The following DPYD variants were observed in gnomAD, a reference collection of about 807,000 sequenced individuals.
DPYD encodes the protein dihydropyrimidine dehydrogenase [NADP(+)].
DPYD carries 109 observed loss-of-function variants against 116.2 expected under a neutral mutation model. The observed-to-expected ratio is 0.94, with a 90% CI of 0.80 to 1.10. The LOEUF (loss-of-function observed/expected upper bound fraction) is 1.10, where lower values mean the gene tolerates loss of function less well. DPYD is among the 50% of genes least tolerant of loss of function. The probability of loss-of-function intolerance (pLI) is 0.00; values close to 1 mark genes in which losing one functional copy is unlikely to be tolerated. For synonymous variants in DPYD, 440 were observed against 432.0 expected (o/e 1.02, Z -0.23); for missense variants, 1,302 against 1,254.5 (o/e 1.04, Z -0.57).
At chr1:97,844,812 C>A (rs989587628) in intron 2 of DPYD, among the ~76,000 whole-genome samples, 1 of 152,188 alleles carries the variant, frequency 6.6e-6, no homozygotes, top group Non-Finnish European at 1.5e-5. Context: ...GCCTGGGAAA[C>A]CCCCCACTGC....
chr1:97,910,585 G>T (rs1213345692), intron 1 of DPYD, among the ~76,000 whole-genome samples: 1 of 152,076 alleles, frequency 6.6e-6, no homozygotes, highest in East Asian at 1.9e-4. Context: ...AAATGTTTAA[G>T]TTATTTGCCA....
intron 4 of DPYD, among the ~76,000 whole-genome samples, chr1:97,738,855 T>C (rs766735072): frequency 7.9e-5 from 12 of 152,210 alleles, no homozygotes; most frequent in Non-Finnish European, 1.5e-4. Context: ...TTTCCAAAAA[T>C]AGAGATGACT....
intron 16 of DPYD, among the ~76,000 whole-genome samples, chr1:97,344,407 T>A (rs1669733630): frequency 6.6e-6 from 1 of 151,926 alleles, no homozygotes; most frequent in Admixed American, 6.6e-5. Flanking sequence ...TATAGACAAT[T>A]GTACAAAGAA....
chr1:97,831,370 A>G (rs1220135003), intron 2 of DPYD, among the ~76,000 whole-genome samples: 2 of 152,182 alleles, frequency 1.3e-5, no homozygotes, highest in African/African-American at 4.8e-5. Context: ...CTCTAACATT[A>G]AAGACAACTG....
rs116372849 is a variant in DPYD, at chr1:97,639,380, C to T, written c.850+39715G>A. Among the ~76,000 whole-genome samples the T allele has an allele frequency of 7.1e-3, 1,084 of 151,774 alleles. 8 individuals are homozygous for T. Among genetic ancestry groups the T allele is most frequent in the Non-Finnish European group, 0.012 (808 of 67,898 alleles). ...TATTCTATTACCTTTTGTTTTCTAC[C>T]GCTCCATGGCTCAGACACTGAAAAA... On this transcript the variant is annotated intron_variant, in intron 8 of 22. Coordinates refer to ENST00000370192, the MANE Select transcript of DPYD (RefSeq NM_000110.4).
chr1:97,150,061 G>A (rs890954895), intron 20 of DPYD, among the ~76,000 whole-genome samples: 7 of 151,950 alleles, frequency 4.6e-5, no homozygotes, highest in African/African-American at 9.7e-5. Flanking sequence ...CACAAAGGCC[G>A]TCCTTCAGGT....
At chr1:97,906,011 T>C (rs560722803) in intron 1 of DPYD, among the ~76,000 whole-genome samples, 121 of 151,636 alleles carry the variant, frequency 8.0e-4, no homozygotes, top group Non-Finnish European at 1.4e-3. Context: ...TGTTCTTAAG[T>C]AGGGAACAAG....
intron 13 of DPYD, among the ~76,000 whole-genome samples, chr1:97,462,225 T>G (rs549168838): frequency 8.5e-5 from 13 of 152,316 alleles, no homozygotes; most frequent in African/African-American, 3.1e-4. Flanking sequence ...AAAAAATGAA[T>G]AAATTTGATT....
chr1:97,228,503 T>C (rs1283934945), intron 19 of DPYD, among the ~76,000 whole-genome samples: 4 of 152,186 alleles, frequency 2.6e-5, no homozygotes, highest in Non-Finnish European at 5.9e-5. Context: ...TAAATCTTAA[T>C]TTTAGTAGGG....
intron 18 of DPYD, among the ~76,000 whole-genome samples, chr1:97,283,783 T>A (rs1407009078): frequency 6.6e-6 from 1 of 152,188 alleles, no homozygotes; most frequent in Non-Finnish European, 1.5e-5. Flanking sequence ...ACTTCGTTTT[T>A]GCTAGTTTGA....
At chr1:97,243,635 A>G (rs918870704) in intron 18 of DPYD, among the ~76,000 whole-genome samples, 7 of 152,024 alleles carry the variant, frequency 4.6e-5, no homozygotes, top group East Asian at 1.9e-4. Flanking sequence ...TATAATTAAT[A>G]AAGATATATT....
intron 10 of DPYD, among the ~76,000 whole-genome samples, chr1:97,583,159 C>T (rs913017945): frequency 2.0e-5 from 3 of 151,932 alleles, no homozygotes; most frequent in Non-Finnish European, 4.4e-5. Flanking sequence ...TTAGTAGAGA[C>T]GGGGTTTCAC....
intron 12 of DPYD, among the ~76,000 whole-genome samples, chr1:97,540,677 A>T (rs972812657): frequency 2.0e-5 from 3 of 152,196 alleles, no homozygotes; most frequent in South Asian, 4.1e-4. Flanking sequence ...TGATTAGATC[A>T]TTGGCCACTG....
chr1:97,604,567 A>C (rs1655465747), intron 8 of DPYD, among the ~76,000 whole-genome samples: 1 of 152,098 alleles, frequency 6.6e-6, no homozygotes, highest in Non-Finnish European at 1.5e-5. Context: ...GTTTTCCAAA[A>C]AAATTACTGT....
intron 19 of DPYD, among the ~76,000 whole-genome samples, chr1:97,207,517 T>C (rs4128474): frequency 0.09 from 13,620 of 152,164 alleles, 797 homozygotes; most frequent in Middle Eastern, 0.15. Context: ...CTGAGTCTTA[T>C]CAGCAATTGT....
intron 16 of DPYD, among the ~76,000 whole-genome samples, chr1:97,316,144 T>C (rs527732331): frequency 6.6e-6 from 1 of 151,966 alleles, no homozygotes; most frequent in South Asian, 2.1e-4. Flanking sequence ...ATGCTAATAC[T>C]CATTCCAATT....
intron 10 of DPYD, among the ~76,000 whole-genome samples, chr1:97,576,815 T>C (rs1653293268): frequency 6.6e-6 from 1 of 152,204 alleles, no homozygotes; most frequent in Non-Finnish European, 1.5e-5. Flanking sequence ...CAGAGATTCA[T>C]CTGCATTTTT....
chr1:97,279,383 A>C (rs1047614702), intron 18 of DPYD, among the ~76,000 whole-genome samples: 1 of 152,148 alleles, frequency 6.6e-6, no homozygotes, highest in African/African-American at 2.4e-5. Context: ...AGGGAGGCAC[A>C]GTGGGTGAAA....
intron 18 of DPYD, among the ~76,000 whole-genome samples, chr1:97,298,507 A>G (rs535288671): frequency 1.7e-4 from 25 of 150,688 alleles, no homozygotes; most frequent in African/African-American, 5.2e-4. Context: ...TCCATAAAAG[A>G]CTCATAAATA....
Sources: allele counts gnomAD v4.1 joint callset (sites outside exome capture counted in the v4.1 genomes callset), GRCh38; gene constraint gnomAD v4.1.1; transcripts MANE v1.5; gene names NCBI Gene and HGNC (gene_info 2026-07-23, HGNC 2026-07-21).